Variants in PTPRM observed in about 807,000 individuals in gnomAD.
PTPRM encodes the protein protein tyrosine phosphatase receptor type M, also known as receptor-type tyrosine-protein phosphatase mu.
PTPRM carries 47 observed loss-of-function variants against 186.7 expected under a neutral mutation model. The ratio of observed to expected loss-of-function variants is 0.25; its 90% CI spans 0.20 to 0.32. The LOEUF is 0.32. Among genes scored for constraint, PTPRM ranks in the 10% least tolerant of loss-of-function variants. The pLI is 1.00. For missense variants in PTPRM, 1,494 were observed against 1,865.0 expected (o/e 0.80, Z 3.66); for synonymous variants, 668 against 674.9 (o/e 0.99, Z 0.16).
chr18:8,275,619 A>G (rs1276849762), intron 19 of PTPRM, among the ~76,000 whole-genome samples: 2 of 152,308 alleles, frequency 1.3e-5, no homozygotes, highest in South Asian at 4.1e-4. Flanking sequence ...ACACGCTGCT[A>G]TAGGAAACTG....
chr18:8,070,238 T>C (rs556214984), intron 8 of PTPRM, among the ~76,000 whole-genome samples: 9 of 152,346 alleles, frequency 5.9e-5, no homozygotes, highest in Middle Eastern at 3.4e-3. Context: ...TCCATATTGC[T>C]CTCAATAGTT....
chr18:7,900,467 A>T (rs1003879330), intron 3 of PTPRM, among the ~76,000 whole-genome samples: 1 of 152,212 alleles, frequency 6.6e-6, no homozygotes. Context: ...ACTATGCCGT[A>T]TCAGTCTTCC....
At chr18:8,118,576 G>A (rs564871394) in intron 13 of PTPRM, among the ~76,000 whole-genome samples, 2 of 152,044 alleles carry the variant, frequency 1.3e-5, no homozygotes, top group Admixed American at 6.6e-5. Context: ...GAAACAAGAG[G>A]ACCACCTGAG....
intron 15 of PTPRM, among the ~76,000 whole-genome samples, chr18:8,245,387 GC>G (rs2094468375): frequency 6.6e-6 from 1 of 152,138 alleles, no homozygotes; most frequent in Admixed American, 6.5e-5. Flanking sequence ...GCACCAATGG[GC>G]AGGGCAGCAC....
intron 1 of PTPRM, among the ~76,000 whole-genome samples, chr18:7,701,892 C>G (rs1450328312): frequency 6.6e-6 from 1 of 152,050 alleles, no homozygotes; most frequent in Non-Finnish European, 1.5e-5. Flanking sequence ...GTGATGTCCC[C>G]CTCCCTGTGT....
At chr18:8,012,326 A>G (rs544458889) in intron 7 of PTPRM, among the ~76,000 whole-genome samples, 2 of 152,342 alleles carry the variant, frequency 1.3e-5, no homozygotes, top group African/African-American at 4.8e-5. Context: ...AAGGATTTTC[A>G]TTTCTGTGAC....
Position 8,115,640 on chromosome 18 carries a change from GT to G in PTPRM, c.2167+815del, listed in dbSNP as rs148947310. ...GGAGTAACCATGAATACAGTGGGAA[GT>G]TCTGTATGATTTAATTTAGAGACGA... On this transcript the variant is annotated intron_variant, in intron 13 of 32. Coordinates refer to ENST00000580170, the MANE Select transcript of PTPRM (RefSeq NM_001105244.2). Among the ~76,000 whole-genome samples the G allele has an allele frequency of 1.0e-3, 155 of 152,328 alleles. 1 individual carries two copies. The highest frequency in any genetic ancestry group is 3.6e-3 in the African/African-American group (149 of 41,570).
At chr18:8,356,350 A>G (rs1477397756) in intron 23 of PTPRM, among the ~76,000 whole-genome samples, 1 of 152,232 alleles carries the variant, frequency 6.6e-6, no homozygotes, top group Non-Finnish European at 1.5e-5. Flanking sequence ...GAGACTGGAC[A>G]TCTTGGGAAG....
chr18:8,165,821 C>T (rs1355307497), intron 14 of PTPRM, among the ~76,000 whole-genome samples: 1 of 152,206 alleles, frequency 6.6e-6, no homozygotes, highest in Non-Finnish European at 1.5e-5. Flanking sequence ...CAAATCCACA[C>T]AGCTCCCCAC....
chr18:7,857,882 TAAAG>T (rs1266738679), intron 2 of PTPRM, among the ~76,000 whole-genome samples: 1 of 151,964 alleles, frequency 6.6e-6, no homozygotes, highest in Non-Finnish European at 1.5e-5. Context: ...CTGACAAAGA[TAAAG>T]AAGCAAATGA....
At chr18:7,626,737 G>T (rs990357074) in intron 1 of PTPRM, among the ~76,000 whole-genome samples, 2 of 152,116 alleles carry the variant, frequency 1.3e-5, no homozygotes, top group African/African-American at 2.4e-5. Flanking sequence ...CTGTCATCCA[G>T]GCTGGAGTGC....
At chr18:8,001,243 C>T (rs748260139) in intron 7 of PTPRM, among the ~76,000 whole-genome samples, 2 of 152,166 alleles carry the variant, frequency 1.3e-5, no homozygotes, top group African/African-American at 2.4e-5. Context: ...CATTTCTTTC[C>T]TGTGTCCTCT....
intron 12 of PTPRM, 33 bp downstream of exon 12, chr18:8,113,792 A>G (rs1457846008): frequency 6.4e-6 from 10 of 1,568,118 alleles, no homozygotes; most frequent in Non-Finnish European, 7.8e-6. Flanking sequence ...TACTTAGGCT[A>G]TTTGGGGTTG....
At chr18:7,940,920 T>C (rs143620971) in intron 5 of PTPRM, among the ~76,000 whole-genome samples, 152 of 152,248 alleles carry the variant, frequency 1.0e-3, no homozygotes, top group African/African-American at 3.5e-3. Context: ...TGTCTCAGAC[T>C]TTCCTTGGGG....
intron 7 of PTPRM, among the ~76,000 whole-genome samples, chr18:8,031,124 G>C (rs1051552374): frequency 2.0e-5 from 3 of 152,098 alleles, no homozygotes; most frequent in African/African-American, 7.2e-5. Flanking sequence ...TTGCAATTTT[G>C]GTGTAAGTTT....
intron 7 of PTPRM, among the ~76,000 whole-genome samples, chr18:7,960,480 T>TGTATATATATACACAC (rs1555663278): frequency 1.2e-5 from 1 of 86,602 alleles, no homozygotes; most frequent in African/African-American, 4.4e-5. Context: ...TATATATATA[T>TGTATATATATACACAC]ACACACACAC....
At chr18:8,291,402 G>A (rs548841384) in intron 19 of PTPRM, among the ~76,000 whole-genome samples, 29 of 152,270 alleles carry the variant, frequency 1.9e-4, no homozygotes, top group Admixed American at 1.9e-3. Flanking sequence ...AAAGAACAAA[G>A]TTCTTTTCTG....
At chr18:8,280,357 G>T (rs1346209069) in intron 19 of PTPRM, among the ~76,000 whole-genome samples, 1 of 149,524 alleles carries the variant, frequency 6.7e-6, no homozygotes, top group Non-Finnish European at 1.5e-5. Context: ...GTCACATTCT[G>T]AGGTACGGGA....
intron 4 of PTPRM, among the ~76,000 whole-genome samples, chr18:7,907,564 A>T (rs187958451): frequency 0.017 from 2,586 of 152,302 alleles, 21 homozygotes; most frequent in South Asian, 0.033. Context: ...GGGCCTTGGC[A>T]TCTTTGGCCT....
Sources: allele counts gnomAD v4.1 joint callset (sites outside exome capture counted in the v4.1 genomes callset), GRCh38; gene constraint gnomAD v4.1.1; transcripts MANE v1.5; gene names NCBI Gene and HGNC (gene_info 2026-07-23, HGNC 2026-07-21).